The following SLC6A9 variants were observed in gnomAD, a reference collection of about 807,000 sequenced individuals.
SLC6A9 encodes solute carrier family 6 member 9.
SLC6A9 carries 31 observed loss-of-function variants against 70.9 expected under a neutral mutation model. The ratio of observed to expected loss-of-function variants is 0.44; its 90% CI spans 0.33 to 0.59. The LOEUF (loss-of-function observed/expected upper bound fraction) is 0.59, where lower values mean the gene tolerates loss of function less well. SLC6A9 is among the 20% of genes least tolerant of loss of function. The probability of loss-of-function intolerance (pLI) is 0.04; values close to 1 mark genes in which losing one functional copy is unlikely to be tolerated. For missense variants in SLC6A9, 631 were observed against 845.2 expected, an observed-to-expected ratio of 0.75 and a Z score of 3.14; for synonymous variants, 310 against 341.3, an observed-to-expected ratio of 0.91 and a Z score of 1.01.
At chr1:44,000,697 C>T in intron 12 of SLC6A9, 70 bp downstream of exon 12, 2 of 1,036,910 alleles carry the variant, frequency 1.9e-6, no homozygotes, top group Non-Finnish European at 1.5e-6. Context: ...TGTCCCTCCG[C>T]TGGGTCCCAA....
In SLC6A9 at chr1:44,013,586, A is replaced by C. The variant is rs558951689; in HGVS notation, c.31-2704T>G. ...GAGGATCCTTGCAGAAGCAGCACCCACTTCTGCTTGGGCCTGGGTCCCAGC... is the reference window on the plus strand; with the variant it reads ...GAGGATCCTTGCAGAAGCAGCACCCCCTTCTGCTTGGGCCTGGGTCCCAGC... On this transcript the variant is annotated intron_variant, in intron 2 of 13. Coordinates refer to ENST00000372310, the MANE Select transcript of SLC6A9 (RefSeq NM_001024845.3). This position sits in a 1 kb window ranked among gnomAD's most constrained non-coding sequence, Gnocchi z 5.3. 3.8e-4 allele frequency among the ~76,000 whole-genome samples: 58 copies of C among 152,316 alleles called. No homozygotes were observed. Among genetic ancestry groups the C allele is most frequent in the Non-Finnish European group, 6.5e-4 (44 of 68,036 alleles).
intron 1 of SLC6A9, among the ~76,000 whole-genome samples, chr1:44,026,501 A>C (rs1428773979): frequency 3.3e-5 from 5 of 152,154 alleles, no homozygotes; most frequent in Admixed American, 2.0e-4. Flanking sequence ...TCTACTAAAA[A>C]TATAAAAATT....
rs1396706553 is a variant in SLC6A9, at chr1:43,997,514, G to A, written c.*31C>T. ...AGTCTCTGCGGTGGGAGCACGGGGT[G>A]GGGGTGGGGCCACTCCCCTGGCAGC... On this transcript the variant is annotated 3_prime_UTR_variant, in exon 14 of 14. Transcript: ENST00000372310. The surrounding 1 kb of genome is among the most constrained non-coding windows in gnomAD (Gnocchi z 4.4). 9 of 1,589,552 alleles carry A rather than the reference G, an allele frequency of 5.7e-6. No individual in the cohort carries two copies. The highest frequency in any genetic ancestry group is 5.2e-6 in the Non-Finnish European group (6 of 1,160,534).
chr1:44,024,013 A>T (rs2086935639), intron 2 of SLC6A9, among the ~76,000 whole-genome samples: 1 of 152,174 alleles, frequency 6.6e-6, no homozygotes, highest in African/African-American at 2.4e-5. Context: ...CTCTGTGACA[A>T]GGATGGGGCC....
chr1:43,998,988 G>GT (rs1289330882), intron 12 of SLC6A9, among the ~76,000 whole-genome samples: 10 of 151,368 alleles, frequency 6.6e-5, no homozygotes, highest in Non-Finnish European at 1.3e-4. Context: ...GGGAAGGGGG[G>GT]GGGCAGTCCC....
At chr1:44,004,054 G>A (rs544759971) in intron 5 of SLC6A9, among the ~76,000 whole-genome samples, 2 of 151,496 alleles carry the variant, frequency 1.3e-5, no homozygotes, top group African/African-American at 2.4e-5. Context: ...GAGTGCATTC[G>A]TGCGATCTGG....
Position 43,997,667 on chromosome 1 carries a change from C to T in SLC6A9, c.1780G>A (p.Ala594Thr), listed in dbSNP as rs2286247. The change falls in exon 14 of 14, where the codon GCC becomes ACC. Residue 594 changes from alanine (A) to threonine (T), a missense_variant. Ala to Thr is a moderately conservative substitution (Grantham distance 58, BLOSUM62 0). Coordinates refer to ENST00000372310, the MANE Select transcript of SLC6A9 (RefSeq NM_001024845.3). This position sits in a 1 kb window ranked among gnomAD's most constrained non-coding sequence, Gnocchi z 4.4. ...ALLEHRTGRYAPTIAPSPEDG... is the reference protein window; with the variant it reads ...ALLEHRTGRYTPTIAPSPEDG... ...TCAGGAGAGGGGGCTATGGTGGGGG[C>T]GTAGCGCCCTGTCCGGTGCTCCAGG... The T allele has an allele frequency of 3.3e-5, 54 of 1,613,636 alleles. No individual in the cohort carries two copies. Among genetic ancestry groups the T allele is most frequent in the Middle Eastern group, 1.7e-4 (1 of 6,056 alleles).
intron 2 of SLC6A9, among the ~76,000 whole-genome samples, chr1:44,019,612 G>T (rs1384305212): frequency 1.3e-5 from 2 of 152,266 alleles, no homozygotes; most frequent in East Asian, 3.9e-4. Flanking sequence ...CCCAGAACAG[G>T]CAGCCATGGC....
intron 5 of SLC6A9, among the ~76,000 whole-genome samples, chr1:44,003,598 A>G (rs2086201516): frequency 6.6e-6 from 1 of 152,118 alleles, no homozygotes; most frequent in Non-Finnish European, 1.5e-5. Context: ...CTCTACAAAA[A>G]TTAGCCGGCC....
chr1:44,002,430 C>A lies in SLC6A9; in HGVS notation c.859-14G>T. 1 of 1,613,638 alleles carries A rather than the reference C, an allele frequency of 6.2e-7. No individual in the cohort carries two copies. The highest frequency in any genetic ancestry group is 8.5e-7 in the Non-Finnish European group (1 of 1,179,534). On this transcript the variant is annotated splice_polypyrimidine_tract_variant and intron_variant, in intron 7 of 13. Coordinates refer to ENST00000372310, the MANE Select transcript of SLC6A9 (RefSeq NM_001024845.3). The surrounding 1 kb of genome is among the most constrained non-coding windows in gnomAD (Gnocchi z 5.5). The stretch of plus-strand genomic sequence containing the variant: ...ATCACCCCACACCTGCAGGGAAGGA[C>A]CGGTGGGTGAGGAGCTGTGGGCAGA...
chr1:44,010,320 G>T, intron 3 of SLC6A9: 1 of 544,018 alleles, frequency 1.8e-6, no homozygotes, highest in Non-Finnish European at 3.3e-6. Flanking sequence ...CCAGGTCCCA[G>T]AGCCTCCATA....
Position 44,013,509 on chromosome 1 carries a change from G to A in SLC6A9, c.31-2627C>T, listed in dbSNP as rs981596769. Among the ~76,000 whole-genome samples the A allele has an allele frequency of 2.6e-5, 4 of 152,256 alleles. No individual in the cohort carries two copies. The highest frequency in any genetic ancestry group is 6.5e-5 in the Admixed American group (1 of 15,286). On this transcript the variant is annotated intron_variant, in intron 2 of 13. Transcript: ENST00000372310. This position sits in a 1 kb window ranked among gnomAD's most constrained non-coding sequence, Gnocchi z 5.3. ...GCGACAGGGCTGAACCGGGGTTGGC[G>A]ACGGGGCTCTGGCAGGAAGTTTCTG...
At position 44,001,670 on chromosome 1, in the gene SLC6A9, T is replaced by C. The variant is rs79360000; in HGVS notation, c.963-43A>G. The C allele has an allele frequency of 1.8e-4, 271 of 1,510,936 alleles. No homozygotes were observed. In the East Asian group the frequency reaches 5.9e-3, roughly 33 times the overall value. 93.6% of individuals were successfully genotyped at this position (1,510,936 alleles called of 1,614,324 possible). A position where few individuals can be genotyped will look rare whatever the true frequency, so the allele number is the denominator to read the frequency against. The stretch of plus-strand genomic sequence containing the variant: ...AGAGTTCAGCTTCCCTCTCCCCAAT[T>C]TGGGCCAAGAGGAGACATGGAGACA... On this transcript the variant is annotated intron_variant, in intron 8 of 13. Coordinates refer to ENST00000372310, the MANE Select transcript of SLC6A9 (RefSeq NM_001024845.3).
rs1005879836 is a variant in SLC6A9, at chr1:44,018,678, C to T, written c.30+5570G>A. Among the ~76,000 whole-genome samples the T allele has an allele frequency of 6.6e-6, 1 of 151,438 alleles. No individual in the cohort carries two copies. The highest frequency in any genetic ancestry group is 2.4e-5 in the African/African-American group (1 of 41,246). ...ACAGGTGGGGCACAGTGGCTTAGGC[C>T]TGTAATGCCAGTGCTTTGGGAAGCC... On this transcript the variant is annotated intron_variant, in intron 2 of 13. Transcript: ENST00000372310. The surrounding 1 kb of genome is among the most constrained non-coding windows in gnomAD (Gnocchi z 4.2).
intron 12 of SLC6A9, among the ~76,000 whole-genome samples, chr1:43,998,984 G>GGGC (rs2085987238): frequency 1.3e-5 from 2 of 150,062 alleles, no homozygotes; most frequent in African/African-American, 5.0e-5. Context: ...GCGGGGGAAG[G>GGGC]GGGGGGGCAG....
intron 2 of SLC6A9, among the ~76,000 whole-genome samples, chr1:44,019,934 T>G (rs2086850094): frequency 1.5e-5 from 2 of 135,038 alleles, no homozygotes; most frequent in Admixed American, 7.9e-5. Context: ...CAGGGTTGAG[T>G]AGGTGGGCTA....
intron 2 of SLC6A9, chr1:44,017,333 G>T: frequency 1.4e-6 from 2 of 1,392,652 alleles, no homozygotes; most frequent in Non-Finnish European, 1.9e-6. Context: ...GGGGTTTGTT[G>T]TGTTTTTCCC....
chr1:44,000,856 A>ACTTC lies in SLC6A9; in HGVS notation c.1446_1447insGAAG (p.Tyr483GlufsTer121). 3.7e-6 allele frequency: 6 copies of ACTTC among 1,609,242 alleles called. No individual in the cohort carries two copies. The highest frequency in any genetic ancestry group is 5.1e-6 in the Non-Finnish European group (6 of 1,177,592). On this transcript the variant is annotated frameshift_variant, in exon 12 of 14. Coordinates refer to ENST00000372310, the MANE Select transcript of SLC6A9 (RefSeq NM_001024845.3). LOFTEE classifies it high-confidence loss of function. ...AGCATCATCTGGATGTCCTGGAAGTAGTTCCGGTGCCCTGGAGAGATGGGG... is the reference window on the plus strand; with the variant it reads ...AGCATCATCTGGATGTCCTGGAAGTACTTCGTTCCGGTGCCCTGGAGAGATGGGG...
At chr1:44,005,513 C>T (rs564575690) in intron 5 of SLC6A9, among the ~76,000 whole-genome samples, 4 of 152,256 alleles carry the variant, frequency 2.6e-5, no homozygotes, top group East Asian at 1.9e-4. Flanking sequence ...CCAGTGAGAT[C>T]GCGCAGCTGT....
Sources: gnomAD v4.1 joint callset for allele counts (sites outside exome capture counted in the v4.1 genomes callset) on GRCh38, gnomAD v4.1.1 for gene constraint, Gnocchi (gnomAD v3.1) non-coding constraint, MANE v1.5 for transcripts, NCBI Gene and HGNC (gene_info 2026-07-23, HGNC 2026-07-21) for gene names.